Variants in NSUN7 observed in about 807,000 individuals in gnomAD.
NSUN7 encodes protein NSUN7.
NSUN7 carries 39 observed loss-of-function variants against 58.5 expected under a neutral mutation model. That is an observed-to-expected ratio of 0.67 (90% CI 0.52 to 0.87). NSUN7 has a LOEUF of 0.87. Ranked by LOEUF, NSUN7 falls within the 40% of genes least tolerant of loss-of-function variation. The pLI is 0.00. For synonymous variants in NSUN7, 278 were observed against 303.7 expected (o/e 0.92, Z 0.88); for missense variants, 765 against 844.1 (o/e 0.91, Z 1.16).
intron 8 of NSUN7, among the ~76,000 whole-genome samples, chr4:40,791,804 T>C (rs1354861809): frequency 6.6e-6 from 1 of 152,190 alleles, no homozygotes; most frequent in Admixed American, 6.5e-5. Context: ...CAGGCAATAT[T>C]CTAGGTAGTG....
rs778600079 is a variant in NSUN7 at position 40,808,814 on chromosome 4, C to T, written c.2032C>T (p.Arg678Cys). 25 of 1,549,482 alleles carry T rather than the reference C, an allele frequency of 1.6e-5. No individual in the cohort carries two copies. In the South Asian group the frequency reaches 1.8e-4, roughly 11 times the overall value. Residue 678 changes from arginine (R) to cysteine (C), a missense_variant, in exon 12 of 12, where the codon CGT becomes TGT. Arg to Cys is a radical substitution (Grantham distance 180). Transcript: ENST00000381782. ...SRMPTQHLYC[R>C]WVAPKALVPT... ...GATGCCAACTCAACATTTGTACTGT[C>T]GTTGGGTTGCACCCAAGGCACTTGT... is the stretch of plus-strand genomic sequence containing the variant.
chr4:40,802,783 C>CTT (rs34373539), intron 10 of NSUN7, among the ~76,000 whole-genome samples: 37 of 138,924 alleles, frequency 2.7e-4, no homozygotes, highest in East Asian at 8.6e-4. Flanking sequence ...GCATTCTATT[C>CTT]TTTTTTTTTT....
Position 40,810,686 on chromosome 4 carries a change from T to C in NSUN7, c.*1747T>C, listed in dbSNP as rs755353240. On this transcript the variant is annotated 3_prime_UTR_variant, in exon 12 of 12. Transcript: ENST00000381782. The stretch of plus-strand genomic sequence containing the variant: ...AATCCCTGAAGAAGAATTCTTCATG[T>C]TATCACTCTTGTACAGAAAGATATA... 6.6e-6 allele frequency: 1 copy of C among 152,150 alleles called. No individual in the cohort carries two copies. Among genetic ancestry groups the C allele is most frequent in the Non-Finnish European group, 1.5e-5 (1 of 68,014 alleles). 9.4% of individuals were successfully genotyped at this position (152,150 alleles called of 1,614,324 possible).
intron 9 of NSUN7, among the ~76,000 whole-genome samples, chr4:40,796,101 C>T (rs1408082286): frequency 6.6e-6 from 1 of 152,208 alleles, no homozygotes; most frequent in African/African-American, 2.4e-5. Flanking sequence ...GGCGTGGTGG[C>T]TCATGCCTGT....
At chr4:40,786,259 C>T (rs1290626946) in intron 7 of NSUN7, 1 of 1,613,706 alleles carries the variant, frequency 6.2e-7, no homozygotes, top group East Asian at 2.2e-5. Flanking sequence ...AAATACCGTA[C>T]CTACCAAAGG....
intron 7 of NSUN7, among the ~76,000 whole-genome samples, chr4:40,780,959 C>T (rs1353011071): frequency 1.3e-5 from 2 of 150,448 alleles, no homozygotes; most frequent in Admixed American, 6.6e-5. Flanking sequence ...AGCTGGGACT[C>T]GTGCCTGCCA....
At chr4:40,763,319 T>G (rs555284568) in intron 4 of NSUN7, among the ~76,000 whole-genome samples, 3 of 152,316 alleles carry the variant, frequency 2.0e-5, no homozygotes, top group Admixed American at 1.3e-4. Context: ...TTGCGCCTGT[T>G]TACTTTGTGT....
chr4:40,780,316 G>C (rs1742468694), intron 7 of NSUN7, among the ~76,000 whole-genome samples: 1 of 151,418 alleles, frequency 6.6e-6, no homozygotes, highest in African/African-American at 2.4e-5. Context: ...CAATAAAGGA[G>C]AGAAGACCAG....
At chr4:40,796,862 C>A (rs1445646806) in intron 9 of NSUN7, among the ~76,000 whole-genome samples, 1 of 152,152 alleles carries the variant, frequency 6.6e-6, no homozygotes. Flanking sequence ...CTTTGAATGT[C>A]CTCCCCCTTT....
rs1011987954 is a variant in NSUN7 at position 40,808,788 on chromosome 4, G to A, written c.2006G>A (p.Arg669Gln). 8.4e-6 allele frequency: 13 copies of A among 1,548,924 alleles called. No homozygotes were observed. Among genetic ancestry groups the A allele is most frequent in the African/African-American group, 4.2e-5 (3 of 71,942 alleles). ...PFSSPQGIRS[R>Q]MPTQHLYCRW... The stretch of plus-strand genomic sequence containing the variant: ...TCAAGTCCCCAAGGGATCAGATCTC[G>A]GATGCCAACTCAACATTTGTACTGT... The change falls in exon 12 of 12, where the codon CGG becomes CAG. Residue 669 changes from arginine to glutamine, a missense_variant. By Grantham distance (43) the Arg-to-Gln change is conservative (BLOSUM62 1). Coordinates refer to ENST00000381782, the MANE Select transcript of NSUN7 (RefSeq NM_024677.6).
chr4:40,808,918 G>T lies in NSUN7; in HGVS notation c.2136G>T (p.Arg712Ser), dbSNP rs1258341213. The T allele has an allele frequency of 6.6e-7, 1 of 1,525,128 alleles. No individual in the cohort carries two copies. The highest frequency in any genetic ancestry group is 1.4e-5 in the African/African-American group (1 of 72,040). 94.5% of individuals were successfully genotyped at this position (1,525,128 alleles called of 1,614,324 possible). ...ATGACACACCTTCCTCCCTACTCAG[G>T]CCTCCTCGGCGATGGCTTTGATTGT... The part of the protein sequence containing the change: ...PKDDTPSSLL[R>S]PPRRWL The change falls in exon 12 of 12, where the codon AGG (arginine) becomes AGT (serine). Residue 712 changes from arginine to serine, a missense_variant. Arg to Ser is a moderately radical substitution (Grantham distance 110, BLOSUM62 -1). Transcript: ENST00000381782.
At chr4:40,789,300 A>C (rs1360034722) in intron 7 of NSUN7, among the ~76,000 whole-genome samples, 1 of 152,234 alleles carries the variant, frequency 6.6e-6, no homozygotes, top group East Asian at 1.9e-4. Context: ...ATTAAGAAAT[A>C]AATGTTAAGA....
In NSUN7 at chr4:40,806,930, G is replaced by A. The variant is rs1176287007; in HGVS notation, c.1401-131G>A. ...TAGGGAAAGGCTGCTTCAGAATTGT[G>A]TTCTTGATTGGAATTTCTGTTTAAA... On this transcript the variant is annotated intron_variant, in intron 10 of 11. Transcript: ENST00000381782. 1.1e-5 allele frequency: 10 copies of A among 881,106 alleles called. No individual in the cohort carries two copies. The African/African-American group carries it at 1.4e-4, about 12-fold the overall frequency. The allele number at this position is 881,106 out of a possible 1,614,324, so 54.6% of individuals were successfully genotyped here. A position where few individuals can be genotyped will look rare whatever the true frequency, so the allele number is the denominator to read the frequency against.
At chr4:40,778,117 G>A (rs1742356625) in intron 7 of NSUN7, among the ~76,000 whole-genome samples, 3 of 152,152 alleles carry the variant, frequency 2.0e-5, no homozygotes, top group Admixed American at 1.3e-4. Flanking sequence ...TGATAGGCCT[G>A]AAGAAAATAT....
intron 8 of NSUN7, 37 bp downstream of exon 8, chr4:40,790,782 G>A (rs778483474): frequency 8.4e-6 from 12 of 1,428,724 alleles, no homozygotes; most frequent in Non-Finnish European, 1.1e-5. Flanking sequence ...GAAATTAGTT[G>A]ACAGTTTAAA....
intron 4 of NSUN7, among the ~76,000 whole-genome samples, chr4:40,771,340 A>G (rs1323548735): frequency 2.0e-5 from 3 of 152,174 alleles, no homozygotes; most frequent in Non-Finnish European, 4.4e-5. Flanking sequence ...GCTACATTTT[A>G]TAGTACCAAA....
At chr4:40,779,760 A>C (rs1207837321) in intron 7 of NSUN7, among the ~76,000 whole-genome samples, 1 of 152,256 alleles carries the variant, frequency 6.6e-6, no homozygotes, top group Non-Finnish European at 1.5e-5. Flanking sequence ...TGTTATATGC[A>C]ATTAAAATAA....
At chr4:40,799,496 T>TA (rs200893138) in intron 10 of NSUN7, among the ~76,000 whole-genome samples, 157 of 142,892 alleles carry the variant, frequency 1.1e-3, no homozygotes, top group African/African-American at 2.3e-3. Context: ...CCTGTGTGTT[T>TA]AAAAAAAAAA....
chr4:40,769,519 G>A (rs538750730), intron 4 of NSUN7, among the ~76,000 whole-genome samples: 164 of 152,336 alleles, frequency 1.1e-3, no homozygotes, highest in African/African-American at 3.8e-3. Context: ...GAAAACAGCA[G>A]TCTTGCTGAG....
Sources: allele counts gnomAD v4.1 joint callset (sites outside exome capture counted in the v4.1 genomes callset), GRCh38; gene constraint gnomAD v4.1.1; transcripts MANE v1.5; gene names NCBI Gene and HGNC (gene_info 2026-07-23, HGNC 2026-07-21).